Variants in ZNF560 observed in about 807,000 individuals in gnomAD.
ZNF560 encodes the protein zinc finger protein 560.
In ZNF560, 54 loss-of-function variants were observed where a neutral mutation model predicts 81.8. The observed-to-expected ratio is 0.66, with a 90% CI of 0.53 to 0.83. ZNF560 has a LOEUF of 0.83. Ranked by LOEUF, ZNF560 falls within the 40% of genes least tolerant of loss-of-function variation. The pLI is 0.00. For synonymous variants in ZNF560, 321 were observed against 317.9 expected (o/e 1.01, Z -0.10); for missense variants, 940 against 932.4 (o/e 1.01, Z -0.11).
upstream of ZNF560, among the ~76,000 whole-genome samples, chr19:9,500,196 C>A (rs998242033): frequency 6.6e-6 from 1 of 151,842 alleles, no homozygotes; most frequent in Non-Finnish European, 1.5e-5. Flanking sequence ...CCAGCCTGAC[C>A]AACATGGTGA....
chr19:9,448,618 C>A, the ZNF560 span, among the ~76,000 whole-genome samples: 1 of 152,002 alleles, frequency 6.6e-6, no homozygotes, highest in African/African-American at 2.4e-5. Flanking sequence ...AGCCCACAGA[C>A]CTTTTGAAGC....
In ZNF560 at chr19:9,482,255, C is replaced by T. The variant is rs906023303; in HGVS notation, c.-56-6886G>A. On this transcript the variant is annotated intron_variant, in intron 2 of 9. Transcript: ENST00000301480. Reference sequence around the variant, plus strand: ...CACTTGGACACAGGGTGGGGAATATCACACACCAGGGCCTGTTGTGGGGTG... The same window carrying T: ...CACTTGGACACAGGGTGGGGAATATTACACACCAGGGCCTGTTGTGGGGTG... Among the ~76,000 whole-genome samples, 51 of 151,778 alleles carry T rather than the reference C, an allele frequency of 3.4e-4. 2 individuals carry two copies. The highest frequency in any genetic ancestry group is 2.6e-4 in the Non-Finnish European group (18 of 67,976).
At chr19:9,479,251 C>T (rs931957782) in intron 2 of ZNF560, among the ~76,000 whole-genome samples, 1 of 151,626 alleles carries the variant, frequency 6.6e-6, no homozygotes. Context: ...AATGATTACT[C>T]TGAATGCACA....
At position 9,467,619 on chromosome 19, in the gene ZNF560, G is replaced by A. The variant is rs756402902; in HGVS notation, c.1328C>T (p.Ser443Phe). ...KCDHCGKAFI[S>F]YPSLFGHLRV... ...CAAATGTCCAAAAAGAGATGGGTAA[G>A]AAATAAAGGCTTTCCCACAGTGGTC... Residue 443 changes from serine (S) to phenylalanine (F), a missense_variant, in exon 10 of 10, where the codon TCT becomes TTT. Ser to Phe is a radical substitution (Grantham distance 155). Coordinates refer to ENST00000301480, the MANE Select transcript of ZNF560 (RefSeq NM_152476.3). The A allele has an allele frequency of 5.6e-6, 9 of 1,613,832 alleles. No individual in the cohort carries two copies. Among genetic ancestry groups the A allele is most frequent in the South Asian group, 1.1e-5 (1 of 91,060 alleles).
At chr19:9,453,501 G>T in the ZNF560 span, among the ~76,000 whole-genome samples, 51,184 of 151,976 alleles carry the variant, frequency 0.34, 10,715 homozygotes, top group Non-Finnish European at 0.46. Context: ...GTATGCAAAA[G>T]GTATGCAACA....
intron 2 of ZNF560, among the ~76,000 whole-genome samples, chr19:9,487,314 C>T (rs1413398973): frequency 6.6e-6 from 1 of 152,176 alleles, no homozygotes; most frequent in African/African-American, 2.4e-5. Flanking sequence ...AAGGAATAAG[C>T]ATTTTACTTA....
At chr19:9,462,442 C>T (rs1482370490), downstream of ZNF560, among the ~76,000 whole-genome samples, 3 of 152,192 alleles carry the variant, frequency 2.0e-5, no homozygotes, top group African/African-American at 7.2e-5. Flanking sequence ...ATGTTTATCA[C>T]AGGCTGTCAA....
At chr19:9,479,037 G>A (rs1273444089) in intron 2 of ZNF560, among the ~76,000 whole-genome samples, 4 of 151,974 alleles carry the variant, frequency 2.6e-5, no homozygotes, top group Non-Finnish European at 5.9e-5. Flanking sequence ...ATGGTGACGG[G>A]CACCTGTAAT....
Position 9,469,090 on chromosome 19 carries a change from T to C in ZNF560, c.612+15A>G. On this transcript the variant is annotated intron_variant, in intron 9 of 9. Coordinates refer to ENST00000301480, the MANE Select transcript of ZNF560 (RefSeq NM_152476.3). ...CTGAATGTGAAAAATAAGAAAGTTCTTTTGTTAATCTTACCAACTGTATCC... is the reference window on the plus strand; with the variant it reads ...CTGAATGTGAAAAATAAGAAAGTTCCTTTGTTAATCTTACCAACTGTATCC... 1 of 1,559,262 alleles carries C rather than the reference T, an allele frequency of 6.4e-7. No homozygotes were observed. Among genetic ancestry groups the C allele is most frequent in the East Asian group, 2.3e-5 (1 of 43,842 alleles).
intron 5 of ZNF560, among the ~76,000 whole-genome samples, chr19:9,471,702 A>G (rs966533702): frequency 2.6e-5 from 4 of 152,258 alleles, no homozygotes; most frequent in Non-Finnish European, 4.4e-5. Flanking sequence ...ATATAGTTTC[A>G]TAAGATCATA....
chr19:9,495,811 C>T (rs1207233586), intron 2 of ZNF560, among the ~76,000 whole-genome samples: 1 of 152,172 alleles, frequency 6.6e-6, no homozygotes, highest in African/African-American at 2.4e-5. Flanking sequence ...AAGACACTGA[C>T]TTTCTTTTTG....
chr19:9,471,318 T>G lies in ZNF560; in HGVS notation c.299A>C (p.Gln100Pro), dbSNP rs574564443. Residue 100 changes from glutamine (Q) to proline (P), a missense_variant, in exon 6 of 10, where the codon CAA becomes CCA. Physicochemically the swap from Gln to Pro is moderately conservative, Grantham distance 76 (BLOSUM62 -1). Coordinates refer to ENST00000301480, the MANE Select transcript of ZNF560 (RefSeq NM_152476.3). ...SALQQEFWKI[Q>P]TSNGIQMDLV... The stretch of plus-strand genomic sequence containing the variant: ...TACCATTTGTATCCCATTAGAAGTT[T>G]GTATTTTCCAAAACTCCTGCTGCAG... 6.2e-7 allele frequency: 1 copy of G among 1,601,844 alleles called. No individual in the cohort carries two copies. Among genetic ancestry groups the G allele is most frequent in the East Asian group, 2.3e-5 (1 of 44,162 alleles).
intron 2 of ZNF560, among the ~76,000 whole-genome samples, chr19:9,476,762 T>G (rs1042301844): frequency 6.6e-6 from 1 of 152,222 alleles, no homozygotes; most frequent in Non-Finnish European, 1.5e-5. Flanking sequence ...TGTGAGTTAA[T>G]TAAACCTCTT....
chr19:9,468,489 A>C (rs1292179375), intron 9 of ZNF560, among the ~76,000 whole-genome samples, 155 bp from the exon 10 acceptor site: 1 of 152,174 alleles, frequency 6.6e-6, no homozygotes, highest in Non-Finnish European at 1.5e-5. Flanking sequence ...GAATAATGGA[A>C]CCCTACTGTA....
At chr19:9,479,337 T>A (rs1253455350) in intron 2 of ZNF560, among the ~76,000 whole-genome samples, 1 of 151,970 alleles carries the variant, frequency 6.6e-6, no homozygotes. Flanking sequence ...AATGATCATG[T>A]TGTTTACAAG....
chr19:9,474,766 G>A (rs999931592), intron 3 of ZNF560, among the ~76,000 whole-genome samples: 5 of 150,364 alleles, frequency 3.3e-5, no homozygotes, highest in East Asian at 2.0e-4. Flanking sequence ...TCAAGTGATC[G>A]TCCTGCCTCA....
At chr19:9,505,062 C>T in the ZNF560 span, among the ~76,000 whole-genome samples, 33 of 152,012 alleles carry the variant, frequency 2.2e-4, 1 homozygote, top group Admixed American at 5.9e-4. Flanking sequence ...TCCAGCCAGG[C>T]GACATAGTGA....
chr19:9,449,628 G>T, the ZNF560 span, among the ~76,000 whole-genome samples: 2 of 152,078 alleles, frequency 1.3e-5, no homozygotes, highest in South Asian at 4.1e-4. Flanking sequence ...TGACATAGCT[G>T]CAGCCAACAT....
rs559612265 is a variant in ZNF560 at position 9,470,609 on chromosome 19, A to C, written c.322-91T>G. 1.9e-6 allele frequency: 3 copies of C among 1,585,880 alleles called. No individual in the cohort carries two copies. In the East Asian group the frequency reaches 6.7e-5, roughly 35 times the overall value. On this transcript the variant is annotated intron_variant, in intron 6 of 9. Coordinates refer to ENST00000301480, the MANE Select transcript of ZNF560 (RefSeq NM_152476.3). ...AGGAAGGGGGACCCAATCCCTGTAC[A>C]GGGTACTGAGTGCTCCCACTATCTA...
Sources: gnomAD v4.1 joint callset for allele counts (sites outside exome capture counted in the v4.1 genomes callset) on GRCh38, gnomAD v4.1.1 for gene constraint, MANE v1.5 for transcripts, NCBI Gene and HGNC (gene_info 2026-07-23, HGNC 2026-07-21) for gene names.